TANGO2: variants seen among roughly 807,000 people sequenced by gnomAD.
The protein encoded by TANGO2 is transport and golgi organization 2 homolog.
Under a neutral mutation model 39.1 loss-of-function variants are expected in TANGO2, and 26 were observed. The ratio of observed to expected loss-of-function variants is 0.67; its 90% confidence interval spans 0.49 to 0.92. TANGO2 has a LOEUF of 0.92. Ranked by LOEUF, TANGO2 falls within the 40% of genes least tolerant of loss-of-function variation. The probability of loss-of-function intolerance (pLI) is 0.00; values close to 1 mark genes in which losing one functional copy is unlikely to be tolerated. For synonymous variants in TANGO2, 131 were observed against 144.5 expected (o/e 0.91, Z 0.67); for missense variants, 326 against 360.1 (o/e 0.91, Z 0.77).
chr22:20,041,275 A>G (rs1205815081), intron 2 of TANGO2, among the ~76,000 whole-genome samples: 1 of 151,476 alleles, frequency 6.6e-6, no homozygotes, highest in African/African-American at 2.4e-5. Flanking sequence ...CCTCTCGAGC[A>G]GCTGGGATTA....
intron 6 of TANGO2, among the ~76,000 whole-genome samples, chr22:20,059,795 C>T (rs1312973896): frequency 6.6e-6 from 1 of 152,004 alleles, no homozygotes; most frequent in Non-Finnish European, 1.5e-5. Context: ...ATTTTTAAGT[C>T]CTATGTCTCT....
chr22:20,029,189 G>C (rs2041363651), intron 1 of TANGO2, among the ~76,000 whole-genome samples: 1 of 152,190 alleles, frequency 6.6e-6, no homozygotes, highest in Non-Finnish European at 1.5e-5. Flanking sequence ...GTTTCCATTT[G>C]GCCTTAGGAC....
chr22:20,020,764 C>T (rs942405255), upstream of TANGO2, among the ~76,000 whole-genome samples: 3 of 152,116 alleles, frequency 2.0e-5, no homozygotes, highest in Non-Finnish European at 4.4e-5. Flanking sequence ...GTACCTCTTC[C>T]GAGAGAGGCC....
At chr22:20,062,578 A>G (rs1273274293) in intron 7 of TANGO2, among the ~76,000 whole-genome samples, 2 of 152,362 alleles carry the variant, frequency 1.3e-5, no homozygotes, top group African/African-American at 4.8e-5. Flanking sequence ...CCCAGCTGTA[A>G]GTCCACACAG....
intron 1 of TANGO2, among the ~76,000 whole-genome samples, chr22:20,023,249 A>G (rs2040059399): frequency 6.6e-6 from 1 of 152,144 alleles, no homozygotes; most frequent in Non-Finnish European, 1.5e-5. Context: ...TTGAAACTTG[A>G]AGTGCTTGCC....
Position 20,053,389 on chromosome 22 carries a change from G to A in TANGO2, c.266-48G>A, listed in dbSNP as rs376726385. The A allele has an allele frequency of 3.7e-6, 5 of 1,355,562 alleles. No individual in the cohort carries two copies. The African/African-American group carries it at 5.7e-5, about 16-fold the overall frequency. 84.0% of individuals were successfully genotyped at this position (1,355,562 alleles called of 1,614,324 possible). A position where few individuals can be genotyped will look rare whatever the true frequency, so the allele number is the denominator to read the frequency against. ...CCCCATATCAGTGTTCCTGGGAGAA[G>A]AGCACATGCCTGCAGCTGTGGACAC... is the stretch of plus-strand genomic sequence containing the variant. On this transcript the variant is annotated intron_variant, in intron 4 of 8. Transcript: ENST00000327374.
At chr22:20,060,810 G>T (rs1032847866) in intron 6 of TANGO2, among the ~76,000 whole-genome samples, 1 of 152,142 alleles carries the variant, frequency 6.6e-6, no homozygotes, top group African/African-American at 2.4e-5. Flanking sequence ...TGCATCATTT[G>T]GGGTGCTTGG....
chr22:20,053,199 C>A (rs1274134536), intron 4 of TANGO2, among the ~76,000 whole-genome samples: 2 of 152,034 alleles, frequency 1.3e-5, no homozygotes, highest in African/African-American at 4.8e-5. Context: ...GCTGGATTTC[C>A]ATAGGAAGAC....
At chr22:20,044,273 A>G (rs1264602710) in intron 3 of TANGO2, among the ~76,000 whole-genome samples, 1 of 152,302 alleles carries the variant, frequency 6.6e-6, no homozygotes, top group East Asian at 1.9e-4. Context: ...GTGTGAACCC[A>G]ACACTTAAGG....
At chr22:20,030,546 C>T (rs1452653145) in intron 1 of TANGO2, among the ~76,000 whole-genome samples, 2 of 152,156 alleles carry the variant, frequency 1.3e-5, no homozygotes, top group East Asian at 3.9e-4. Flanking sequence ...AGGGTTTCAC[C>T]ATATTGGCCA....
intron 5 of TANGO2, 79 bp from the exon 6 acceptor site, chr22:20,055,864 A>G (rs569975504): frequency 9.3e-6 from 12 of 1,291,714 alleles, no homozygotes; most frequent in East Asian, 4.6e-5. Flanking sequence ...CTCCAGAAAC[A>G]GGGCTGTGAG....
At chr22:20,020,726 G>A (rs1416974634), upstream of TANGO2, among the ~76,000 whole-genome samples, 1 of 152,116 alleles carries the variant, frequency 6.6e-6, no homozygotes. Context: ...CGCAGTCTGA[G>A]GGGGCCAGTC....
intron 1 of TANGO2, among the ~76,000 whole-genome samples, chr22:20,023,401 A>T (rs2040104382): frequency 6.6e-6 from 1 of 152,140 alleles, no homozygotes; most frequent in African/African-American, 2.4e-5. Flanking sequence ...GGGCCTGAGG[A>T]TGGGGCCACC....
In TANGO2 at chr22:20,066,864, C is replaced by T. The variant is rs936813933; in HGVS notation, c.*2202C>T. On this transcript the variant is annotated 3_prime_UTR_variant, in exon 9 of 9. Coordinates refer to ENST00000327374, the MANE Select transcript of TANGO2 (RefSeq NM_152906.7). ...CCGGCCTGCCCAGGAAGAGCAGTCT[C>T]TGCTCTTGTGTGGGTCCCTCTGCCC... 6.6e-6 allele frequency: 1 copy of T among 152,364 alleles called. No individual in the cohort carries two copies. Among genetic ancestry groups the T allele is most frequent in the Admixed American group, 6.5e-5 (1 of 15,282 alleles). 9.4% of individuals were successfully genotyped at this position (152,364 alleles called of 1,614,324 possible). A position where few individuals can be genotyped will look rare whatever the true frequency, so the allele number is the denominator to read the frequency against.
At chr22:20,031,000 C>T (rs2041742553) in intron 1 of TANGO2, among the ~76,000 whole-genome samples, 1 of 151,904 alleles carries the variant, frequency 6.6e-6, no homozygotes, top group African/African-American at 2.4e-5. Context: ...GAGATCGAGA[C>T]CATCCTGGCC....
intron 1 of TANGO2, among the ~76,000 whole-genome samples, chr22:20,035,842 A>G (rs936729065): frequency 6.6e-6 from 1 of 152,176 alleles, no homozygotes; most frequent in African/African-American, 2.4e-5. Flanking sequence ...AAGAATGTAT[A>G]CAGTGGTCTA....
At chr22:20,041,675 TGACC>T (rs1411497358) in intron 2 of TANGO2, among the ~76,000 whole-genome samples, 2 of 152,116 alleles carry the variant, frequency 1.3e-5, no homozygotes, top group Non-Finnish European at 2.9e-5. Context: ...CTTGAACTCC[TGACC>T]TCATGATCCA....
intron 5 of TANGO2, chr22:20,053,847 C>A (rs969368997): frequency 4.4e-6 from 2 of 450,374 alleles, no homozygotes; most frequent in Non-Finnish European, 8.8e-6. Flanking sequence ...TCCTCCCTCC[C>A]ACGGGCAGGC....
At chr22:20,061,826 C>T in intron 7 of TANGO2, 143 bp downstream of exon 7, 13 of 1,058,272 alleles carry the variant, frequency 1.2e-5, no homozygotes, top group Non-Finnish European at 1.7e-5. Context: ...ATATCCTGTC[C>T]TCCCTGCCTG....
Sources: allele counts gnomAD v4.1 joint callset (sites outside exome capture counted in the v4.1 genomes callset), GRCh38; gene constraint gnomAD v4.1.1; transcripts MANE v1.5; gene names NCBI Gene and HGNC (gene_info 2026-07-23, HGNC 2026-07-21).